Variants in RAB4B observed in about 807,000 individuals in gnomAD.
RAB4B encodes the protein ras-related protein Rab-4B.
Under a neutral mutation model 28.3 loss-of-function variants are expected in RAB4B, and 15 were observed. That is an observed-to-expected ratio of 0.53 (90% CI 0.35 to 0.82). RAB4B has a LOEUF of 0.82. RAB4B is among the 40% of genes least tolerant of loss of function. RAB4B has a pLI of 0.01. For missense variants in RAB4B, 244 were observed against 288.5 expected, an observed-to-expected ratio of 0.85 and a Z score of 1.12; for synonymous variants, 108 against 116.3, an observed-to-expected ratio of 0.93 and a Z score of 0.46.
intron 7 of RAB4B, among the ~76,000 whole-genome samples, chr19:40,788,723 A>G (rs1391584867): frequency 1.4e-5 from 2 of 147,850 alleles, no homozygotes; most frequent in Non-Finnish European, 3.0e-5. Flanking sequence ...AGTAGCTGAG[A>G]TTACAGGCGA....
chr19:40,782,842 A>ATCAG (rs2083062133), intron 3 of RAB4B, among the ~76,000 whole-genome samples: 1 of 140,714 alleles, frequency 7.1e-6, no homozygotes, highest in South Asian at 2.3e-4. Context: ...CAATCAATCA[A>ATCAG]TAAAAGACAT....
chr19:40,795,482 C>T (rs895501841), intron 7 of RAB4B, among the ~76,000 whole-genome samples: 2 of 151,780 alleles, frequency 1.3e-5, no homozygotes, highest in African/African-American at 4.8e-5. Context: ...TCACTGCAAC[C>T]TCCGCCTCCT....
intron 7 of RAB4B, among the ~76,000 whole-genome samples, chr19:40,792,034 T>C (rs1379220953): frequency 1.3e-5 from 2 of 152,248 alleles, no homozygotes; most frequent in Non-Finnish European, 2.9e-5. Flanking sequence ...CTATACTTCA[T>C]GCTAAATCCC....
At chr19:40,778,509 C>A in intron 1 of RAB4B, 118 bp downstream of exon 1, 1 of 1,058,948 alleles carries the variant, frequency 9.4e-7, no homozygotes, top group South Asian at 2.1e-5. Flanking sequence ...GAGGCAGGAC[C>A]TAAGTGGATG....
intron 3 of RAB4B, among the ~76,000 whole-genome samples, chr19:40,782,192 A>G (rs938245251): frequency 2.0e-5 from 3 of 152,112 alleles, no homozygotes; most frequent in African/African-American, 7.2e-5. Context: ...AAAGGCAGAG[A>G]GAGGGGCTGA....
At chr19:40,789,844 A>T (rs1410301535) in intron 7 of RAB4B, among the ~76,000 whole-genome samples, 2 of 152,344 alleles carry the variant, frequency 1.3e-5, no homozygotes, top group East Asian at 3.9e-4. Context: ...CTCGCTGAGA[A>T]GATGACATTT....
intron 5 of RAB4B, among the ~76,000 whole-genome samples, chr19:40,785,342 C>CAAAAA (rs59914589): frequency 1.8e-4 from 9 of 49,604 alleles, no homozygotes; most frequent in African/African-American, 2.9e-4. Context: ...CCTGCCTCTA[C>CAAAAA]AAAAAAAAAA....
intron 1 of RAB4B, among the ~76,000 whole-genome samples, chr19:40,778,773 C>A (rs1426737327): frequency 6.6e-6 from 1 of 152,012 alleles, no homozygotes; most frequent in African/African-American, 2.4e-5. Flanking sequence ...GCTCGGGACC[C>A]TGGGGCTGAT....
chr19:40,780,824 A>G lies in RAB4B; in HGVS notation c.212+325A>G, dbSNP rs1002609363. Among the ~76,000 whole-genome samples the G allele has an allele frequency of 4.6e-4, 70 of 151,956 alleles. 1 individual carries two copies. The highest frequency in any genetic ancestry group is 1.6e-3 in the African/African-American group (66 of 41,356). Reference sequence around the variant, plus strand: ...AACATAGTGAGACCCCATCTCAAAGAAAGAAAAAGAGATAGAGAAAAGTGG... The same window carrying G: ...AACATAGTGAGACCCCATCTCAAAGGAAGAAAAAGAGATAGAGAAAAGTGG... On this transcript the variant is annotated intron_variant, in intron 3 of 7. Coordinates refer to ENST00000357052, the MANE Select transcript of RAB4B (RefSeq NM_016154.5).
intron 3 of RAB4B, among the ~76,000 whole-genome samples, chr19:40,783,136 A>C (rs2096169321): frequency 1.6e-5 from 2 of 128,636 alleles, no homozygotes; most frequent in South Asian, 6.0e-4. Context: ...GACAAGAGTG[A>C]GATTCCTACT....
chr19:40,788,784 CTTTTTT>C (rs1173685187), intron 7 of RAB4B, among the ~76,000 whole-genome samples: 2 of 84,230 alleles, frequency 2.4e-5, no homozygotes, highest in African/African-American at 9.9e-5. Context: ...GACAGGGTTT[CTTTTTT>C]TTTTTTTTTT....
chr19:40,780,197 G>A (rs1166755624), intron 2 of RAB4B, 98 bp downstream of exon 2: 6 of 1,545,522 alleles, frequency 3.9e-6, no homozygotes, highest in Admixed American at 1.9e-5. Flanking sequence ...CTGGCCATAG[G>A]TACAAGTCCA....
At chr19:40,787,462 G>A (rs2083111530) in intron 7 of RAB4B, among the ~76,000 whole-genome samples, 1 of 151,944 alleles carries the variant, frequency 6.6e-6, no homozygotes, top group African/African-American at 2.4e-5. Context: ...TTGAACCTGG[G>A]AGGTGGAGGT....
chr19:40,779,772 C>T (rs117475828), intron 1 of RAB4B: 2 of 936,810 alleles, frequency 2.1e-6, no homozygotes, highest in African/African-American at 1.7e-5. Flanking sequence ...GACAAAAAAA[C>T]CCCTGCACAT....
chr19:40,791,683 G>A (rs1487219878), intron 7 of RAB4B, among the ~76,000 whole-genome samples: 1 of 152,056 alleles, frequency 6.6e-6, no homozygotes, highest in Non-Finnish European at 1.5e-5. Context: ...ACTCAGGCTG[G>A]AGTGCAGTGG....
intron 7 of RAB4B, among the ~76,000 whole-genome samples, chr19:40,795,176 A>AG (rs2083198336): frequency 6.7e-6 from 1 of 149,160 alleles, no homozygotes; most frequent in East Asian, 2.0e-4. Flanking sequence ...CTCCAAAAAA[A>AG]AAAAAAAAAA....
intron 3 of RAB4B, 80 bp downstream of exon 3, chr19:40,780,579 G>A: frequency 1.7e-6 from 2 of 1,170,554 alleles, no homozygotes; most frequent in Non-Finnish European, 1.2e-6. Context: ...GAGTCACTTG[G>A]AGACACTGAG....
rs983880899 is a variant in RAB4B at position 40,778,288 on chromosome 19, G to T, written c.-88G>T. Reference sequence around the variant, plus strand: ...GGCCCGGGGAGTAGGAAGGAGCCGGGGCTGTAGCCGGAGTGGAGCGGCTGC... The same window carrying T: ...GGCCCGGGGAGTAGGAAGGAGCCGGTGCTGTAGCCGGAGTGGAGCGGCTGC... On this transcript the variant is annotated 5_prime_UTR_variant, in exon 1 of 8. Transcript: ENST00000357052. 6.0e-6 allele frequency: 8 copies of T among 1,332,340 alleles called. No individual in the cohort carries two copies. The African/African-American group carries it at 1.1e-4, about 18-fold the overall frequency. 82.5% of individuals were successfully genotyped at this position (1,332,340 alleles called of 1,614,324 possible).
Position 40,786,686 on chromosome 19 carries a change from G to C in RAB4B, c.452G>C (p.Ser151Thr). The C allele has an allele frequency of 6.2e-7, 1 of 1,614,098 alleles. No homozygotes were observed. The highest frequency in any genetic ancestry group is 8.5e-7 in the Non-Finnish European group (1 of 1,179,980). Residue 151 changes from serine to threonine, a missense_variant, in exon 6 of 8, where the codon AGC (serine) becomes ACC (threonine). Physicochemically the swap from Ser to Thr is moderately conservative, Grantham distance 58 (BLOSUM62 1). Coordinates refer to ENST00000357052, the MANE Select transcript of RAB4B (RefSeq NM_016154.5). ...QENELMFLETSALTGENVEEA... is the reference protein window; with the variant it reads ...QENELMFLETTALTGENVEEA... ...GCAGAGCTGATGTTCCTGGAGACCA[G>C]CGCTCTCACAGGCGAGAACGTGGAG...
Sources: gnomAD v4.1 joint callset for allele counts (sites outside exome capture counted in the v4.1 genomes callset) on GRCh38, gnomAD v4.1.1 for gene constraint, MANE v1.5 for transcripts, NCBI Gene and HGNC (gene_info 2026-07-23, HGNC 2026-07-21) for gene names.